The following BCKDHB variants were observed in gnomAD, a reference collection of about 807,000 sequenced individuals.
BCKDHB encodes the protein branched chain keto acid dehydrogenase E1 subunit beta.
A neutral mutation model predicts 48.5 loss-of-function variants in BCKDHB; 41 were observed. The observed-to-expected ratio is 0.85, with a 90% CI of 0.66 to 1.10. BCKDHB has a LOEUF of 1.10. BCKDHB is among the 50% of genes least tolerant of loss of function. BCKDHB has a pLI of 0.00. For synonymous variants in BCKDHB, 201 were observed against 174.8 expected, an observed-to-expected ratio of 1.15 and a Z score of -1.18; for missense variants, 496 against 494.2, an observed-to-expected ratio of 1.00 and a Z score of -0.03.
the BCKDHB span, among the ~76,000 whole-genome samples, chr6:80,397,903 C>A: frequency 1.1e-4 from 16 of 152,016 alleles, no homozygotes; most frequent in Non-Finnish European, 1.5e-4. Flanking sequence ...AACCAACAAA[C>A]AACAAACAAA....
At chr6:80,420,341 C>G in the BCKDHB span, among the ~76,000 whole-genome samples, 2 of 152,202 alleles carry the variant, frequency 1.3e-5, no homozygotes, top group Non-Finnish European at 2.9e-5. Flanking sequence ...GGTAGACACG[C>G]AGACTTTTTC....
At chr6:80,171,464 C>CT (rs371513454) in intron 6 of BCKDHB, 74 bp downstream of exon 6, 43 of 849,390 alleles carry the variant, frequency 5.1e-5, no homozygotes, top group Middle Eastern at 3.6e-4. Flanking sequence ...AAAGTTATAT[C>CT]TTTTTTTTCT....
At chr6:80,319,202 T>G (rs1394880670) in intron 9 of BCKDHB, among the ~76,000 whole-genome samples, 1 of 152,188 alleles carries the variant, frequency 6.6e-6, no homozygotes, top group Admixed American at 6.6e-5. Context: ...CATGAAACAA[T>G]CTGCATTGCT....
At chr6:80,291,161 A>C (rs1203596548) in intron 9 of BCKDHB, among the ~76,000 whole-genome samples, 1 of 152,196 alleles carries the variant, frequency 6.6e-6, no homozygotes, top group African/African-American at 2.4e-5. Flanking sequence ...CCTTTATTCA[A>C]GATGGAGTTG....
chr6:80,289,472 T>G (rs1378535329), intron 9 of BCKDHB, among the ~76,000 whole-genome samples: 3 of 151,824 alleles, frequency 2.0e-5, no homozygotes, highest in African/African-American at 7.3e-5. Flanking sequence ...AGACCAAATT[T>G]TAGAGTAAAC....
chr6:80,422,857 G>A, the BCKDHB span, among the ~76,000 whole-genome samples: 1 of 152,170 alleles, frequency 6.6e-6, no homozygotes, highest in Non-Finnish European at 1.5e-5. Context: ...ATAGGTGGAA[G>A]GGACTTTGCT....
chr6:80,453,337 A>C, the BCKDHB span: 1 of 152,204 alleles, frequency 6.6e-6, no homozygotes, highest in African/African-American at 2.4e-5. Flanking sequence ...TAGTCAAAGC[A>C]AATCACAAAG....
At chr6:80,397,784 G>A in the BCKDHB span, among the ~76,000 whole-genome samples, 1 of 152,132 alleles carries the variant, frequency 6.6e-6, no homozygotes, top group African/African-American at 2.4e-5. Context: ...GGAGGCTGAG[G>A]CAGGAGAATC....
the BCKDHB span, among the ~76,000 whole-genome samples, chr6:80,465,229 C>G: frequency 6.6e-6 from 1 of 152,128 alleles, no homozygotes; most frequent in Non-Finnish European, 1.5e-5. Context: ...GACTGCATAG[C>G]CCTGCATTGG....
intron 6 of BCKDHB, among the ~76,000 whole-genome samples, chr6:80,197,026 G>A (rs143141054): frequency 2.6e-5 from 4 of 152,250 alleles, no homozygotes; most frequent in Non-Finnish European, 5.9e-5. Flanking sequence ...TGTAATCAGC[G>A]TGTGGTGAAA....
chr6:80,279,856 C>T (rs1778126631), intron 9 of BCKDHB, among the ~76,000 whole-genome samples: 1 of 152,112 alleles, frequency 6.6e-6, no homozygotes, highest in South Asian at 2.1e-4. Context: ...AGTTATAGTA[C>T]ATGTTAGAAT....
At chr6:80,399,582 CA>C in the BCKDHB span, among the ~76,000 whole-genome samples, 2 of 151,946 alleles carry the variant, frequency 1.3e-5, no homozygotes, top group Non-Finnish European at 2.9e-5. Context: ...AAACATTGCT[CA>C]AAGAAATCAC....
At chr6:80,184,315 C>T (rs1773543848) in intron 6 of BCKDHB, among the ~76,000 whole-genome samples, 1 of 152,012 alleles carries the variant, frequency 6.6e-6, no homozygotes, top group South Asian at 2.1e-4. Context: ...ATCCCTTTAC[C>T]TTAAGTTTAT....
At chr6:80,357,525 G>A in the BCKDHB span, among the ~76,000 whole-genome samples, 1 of 152,168 alleles carries the variant, frequency 6.6e-6, no homozygotes, top group Non-Finnish European at 1.5e-5. Context: ...GGTGGAGAAT[G>A]AATTTGGAGG....
At chr6:80,137,715 G>A (rs1227933289) in intron 3 of BCKDHB, among the ~76,000 whole-genome samples, 4 of 152,146 alleles carry the variant, frequency 2.6e-5, no homozygotes, top group Middle Eastern at 6.8e-3. Context: ...AGAATCTGGT[G>A]GATGGAGACC....
At chr6:80,175,028 C>G (rs1298666883) in intron 6 of BCKDHB, among the ~76,000 whole-genome samples, 1 of 152,098 alleles carries the variant, frequency 6.6e-6, no homozygotes, top group East Asian at 1.9e-4. Flanking sequence ...TTATTTATCT[C>G]TAATATAAAT....
At chr6:80,287,284 T>C (rs532700117) in intron 9 of BCKDHB, among the ~76,000 whole-genome samples, 2 of 152,306 alleles carry the variant, frequency 1.3e-5, no homozygotes, top group Non-Finnish European at 2.9e-5. Flanking sequence ...GATGTTCACT[T>C]ACATAGTTTT....
chr6:80,436,958 C>A, the BCKDHB span, among the ~76,000 whole-genome samples: 1 of 152,134 alleles, frequency 6.6e-6, no homozygotes, highest in African/African-American at 2.4e-5. Flanking sequence ...CCAAATTAGT[C>A]TGTGGAATAA....
At chr6:80,376,259 T>G in the BCKDHB span, among the ~76,000 whole-genome samples, 2 of 151,940 alleles carry the variant, frequency 1.3e-5, no homozygotes, top group African/African-American at 4.8e-5. Context: ...TGCCTCTACT[T>G]CATCGCACAG....
Sources: gnomAD v4.1 joint callset for allele counts (sites outside exome capture counted in the v4.1 genomes callset) on GRCh38, gnomAD v4.1.1 for gene constraint, MANE v1.5 for transcripts, NCBI Gene and HGNC (gene_info 2026-07-23, HGNC 2026-07-21) for gene names.